ZNF695: variants seen among roughly 807,000 people sequenced by gnomAD.
ZNF695 encodes zinc finger protein SBZF3.
A neutral mutation model predicts 11.2 loss-of-function variants in ZNF695; 11 were observed. The observed-to-expected ratio is 0.98, with a 90% CI of 0.62 to 1.62. The LOEUF is 1.62. Among genes scored for constraint, ZNF695 ranks in the 40% most tolerant of loss-of-function variants. ZNF695 has a pLI of 0.00. For synonymous variants in ZNF695, 190 were observed against 201.4 expected (o/e 0.94, Z 0.48); for missense variants, 559 against 590.5 (o/e 0.95, Z 0.55).
Position 246,987,492 on chromosome 1 carries a change from T to C in ZNF695, c.1023A>G (p.Gln341=), listed in dbSNP as rs1572525506. The C allele has an allele frequency of 5.0e-6, 8 of 1,610,040 alleles. No individual in the cohort carries two copies. In the East Asian group the frequency reaches 1.8e-4, roughly 36 times the overall value. The change falls in exon 4 of 4, where the codon CAA becomes CAG. Residue 341 remains glutamine (Q), a synonymous_variant. Transcript: ENST00000339986. ...TCTCTCCAGTATGAATTCTTCTATG[T>C]TGAGTAAGGTATGACAACAATTTAA... ...KVFKLLSYLT[Q]HRRIHTGEKT... is the part of the protein sequence containing the mutation.
In ZNF695 at chr1:246,986,174, T is replaced by A; in HGVS notation, c.*793A>T. ...ATCCTCAACCTCCAGGCTCAAGCAA[T>A]CCTCCCACCTGAGCCTTCCAAGTAG... On this transcript the variant is annotated 3_prime_UTR_variant, in exon 4 of 4. Transcript: ENST00000339986. 1.8e-6 allele frequency: 1 copy of A among 541,758 alleles called. No individual in the cohort carries two copies. The highest frequency in any genetic ancestry group is 2.4e-6 in the Non-Finnish European group (1 of 424,814). 33.6% of individuals were successfully genotyped at this position (541,758 alleles called of 1,614,324 possible).
At position 246,987,168 on chromosome 1, in the gene ZNF695, T is replaced by C. The variant is rs765855028; in HGVS notation, c.1347A>G (p.Ser449=). ...GAATTCTCTTATGATTAGTAAGATA[T>C]GAAAACCAGTTAAAAGCTTTGCCAC... ...DECGKAFNWF[S]YLTNHKRIHT... is the part of the protein sequence containing the mutation. Residue 449 remains serine, a synonymous_variant, in exon 4 of 4, where the codon TCA becomes TCG. Coordinates refer to ENST00000339986, the MANE Select transcript of ZNF695 (RefSeq NM_020394.5). The C allele has an allele frequency of 8.7e-6, 14 of 1,613,972 alleles. No individual in the cohort carries two copies. In the South Asian group the frequency reaches 1.4e-4, roughly 16 times the overall value.
chr1:246,987,532 T>G lies in ZNF695; in HGVS notation c.983A>C (p.Glu328Ala), dbSNP rs1668890018. The change falls in exon 4 of 4, where the codon GAA becomes GCA. Residue 328 changes from glutamate to alanine, a missense_variant. Physicochemically the swap from Glu to Ala is moderately radical, Grantham distance 107. Transcript: ENST00000339986. ...CAACAATTTAAAGACTTTGCCACATTCTTCACACTTGTAGGGTTTCTCTCT... is the reference window on the plus strand; with the variant it reads ...CAACAATTTAAAGACTTTGCCACATGCTTCACACTTGTAGGGTTTCTCTCT... Reference protein sequence around the residue: ...HSREKPYKCEECGKVFKLLSY... With the variant: ...HSREKPYKCEACGKVFKLLSY... The G allele has an allele frequency of 6.2e-7, 1 of 1,604,488 alleles. No homozygotes were observed. Among genetic ancestry groups the G allele is most frequent in the African/African-American group, 1.3e-5 (1 of 74,658 alleles).
intron 3 of ZNF695, among the ~76,000 whole-genome samples, chr1:246,998,580 TA>T (rs1669272159): frequency 6.6e-6 from 1 of 152,246 alleles, no homozygotes; most frequent in African/African-American, 2.4e-5. Context: ...GGAGAAAATA[TA>T]CATCCGTTTG....
intron 4 of ZNF695, chr1:246,968,774 C>T (rs1668350830): frequency 6.6e-6 from 1 of 152,300 alleles, no homozygotes; most frequent in Admixed American, 6.5e-5. Flanking sequence ...ATCTGGAAGC[C>T]TCCAAGGCTT....
At position 246,961,464 on chromosome 1, in the gene ZNF695, A is replaced by G. The variant is rs560577174; in HGVS notation, c.488+6231T>C. Among the ~76,000 whole-genome samples the G allele has an allele frequency of 2.6e-5, 4 of 152,314 alleles. No homozygotes were observed. The South Asian group carries it at 8.3e-4, about 32-fold the overall frequency. On this transcript the variant is annotated intron_variant, in intron 5 of 5. Transcript: ENST00000487338. ...TGCTACTCCCTGCCACCTCCATTCC[A>G]TAAACTGCAGGGCCATTGTTCTATA... is the stretch of plus-strand genomic sequence containing the variant.
chr1:246,954,141 A>G (rs1365012979), intron 5 of ZNF695, among the ~76,000 whole-genome samples: 1 of 152,170 alleles, frequency 6.6e-6, no homozygotes, highest in Non-Finnish European at 1.5e-5. Flanking sequence ...ACATGAATGA[A>G]CGAATGACTT....
intron 5 of ZNF695, among the ~76,000 whole-genome samples, chr1:246,950,342 A>G (rs1303242723): frequency 6.6e-6 from 1 of 152,192 alleles, no homozygotes; most frequent in Non-Finnish European, 1.5e-5. Flanking sequence ...TTGATTATAT[A>G]TAATCCTTTA....
Position 246,992,044 on chromosome 1 carries a change from G to A in ZNF695, c.260-3789C>T, listed in dbSNP as rs183497502. On this transcript the variant is annotated intron_variant, in intron 3 of 3. Coordinates refer to ENST00000339986, the MANE Select transcript of ZNF695 (RefSeq NM_020394.5). The stretch of plus-strand genomic sequence containing the variant: ...CCGGGCGTGGTGGCGGGCACCTGCA[G>A]TCGCAGCTACTCGGGAGGCTGAGAC... Among the ~76,000 whole-genome samples the A allele has an allele frequency of 9.4e-4, 143 of 152,200 alleles. 1 individual carries two copies. The highest frequency in any genetic ancestry group is 3.3e-3 in the African/African-American group (139 of 41,528).
In ZNF695 at chr1:246,962,696, C is replaced by CT. The variant is rs1380105431; in HGVS notation, c.488+4998dup. ...CCCCTTCTGCCAGCTTGAAACCTTTCTTTTTTTTTTTTTTGAGACGGAGTC... is the reference window on the plus strand; with the variant it reads ...CCCCTTCTGCCAGCTTGAAACCTTTCTTTTTTTTTTTTTTTGAGACGGAGTC... On this transcript the variant is annotated intron_variant, in intron 5 of 5. Coordinates refer to the ZNF695 transcript ENST00000487338. 3.2e-3 allele frequency among the ~76,000 whole-genome samples: 454 copies of CT among 143,866 alleles called. 5 individuals carry two copies. The highest frequency in any genetic ancestry group is 6.6e-3 in the African/African-American group (262 of 39,492). 94.4% of individuals were successfully genotyped at this position (143,866 alleles called of 152,430 possible). A position where few individuals can be genotyped will look rare whatever the true frequency, so the allele number is the denominator to read the frequency against.
intron 5 of ZNF695, among the ~76,000 whole-genome samples, chr1:246,946,502 T>C (rs1227578748): frequency 6.6e-6 from 1 of 152,210 alleles, no homozygotes; most frequent in Admixed American, 6.5e-5. Context: ...TTGCACTCAT[T>C]TGTGAAGGTT....
Position 246,985,338 on chromosome 1 carries a change from A to G in ZNF695, c.*1629T>C. 1.0e-6 allele frequency: 1 copy of G among 984,254 alleles called. No individual in the cohort carries two copies. Among genetic ancestry groups the G allele is most frequent in the Non-Finnish European group, 1.2e-6 (1 of 828,844 alleles). The allele number at this position is 984,254 out of a possible 1,614,324, so 61.0% of individuals were successfully genotyped here. Reference sequence around the variant, plus strand: ...ATACACGGTCTTTGATTATAATCCTATATAGGCTTTATTATAGCCTTAATA... The same window carrying G: ...ATACACGGTCTTTGATTATAATCCTGTATAGGCTTTATTATAGCCTTAATA... On this transcript the variant is annotated 3_prime_UTR_variant, in exon 4 of 4. Transcript: ENST00000339986.
At chr1:246,995,813 CAAAAAAAAAA>C (rs60375785) in intron 3 of ZNF695, among the ~76,000 whole-genome samples, 6 of 66,762 alleles carry the variant, frequency 9.0e-5, no homozygotes, top group African/African-American at 3.0e-4. Context: ...GACTCTGTCT[CAAAAAAAAAA>C]AAAAAAAAAA....
At chr1:246,958,426 G>C (rs1010825183) in intron 5 of ZNF695, among the ~76,000 whole-genome samples, 7 of 152,080 alleles carry the variant, frequency 4.6e-5, no homozygotes, top group African/African-American at 1.7e-4. Flanking sequence ...GACTTTGAAG[G>C]CTAGGTCATA....
chr1:246,976,520 C>T (rs180743684), intron 4 of ZNF695, among the ~76,000 whole-genome samples: 237 of 152,124 alleles, frequency 1.6e-3, no homozygotes, highest in African/African-American at 2.7e-3. Flanking sequence ...ACTGGCCGGG[C>T]GCGGTGGCTC....
chr1:246,968,920 A>G (rs542879596), intron 4 of ZNF695: 8 of 152,258 alleles, frequency 5.3e-5, no homozygotes, highest in Non-Finnish European at 1.2e-4. Flanking sequence ...AGCCTGACCC[A>G]CAAAACTGTT....
In ZNF695 at chr1:246,999,412, G is replaced by A; in HGVS notation, c.195C>T (p.Ile65=). The A allele has an allele frequency of 6.2e-7, 1 of 1,613,958 alleles. No homozygotes were observed. Among genetic ancestry groups the A allele is most frequent in the Non-Finnish European group, 8.5e-7 (1 of 1,179,960 alleles). The change falls in exon 3 of 4, where the codon ATC becomes ATT. Residue 65 remains isoleucine (I), a synonymous_variant. Coordinates refer to ENST00000339986, the MANE Select transcript of ZNF695 (RefSeq NM_020394.5). ...GCTCTTTCCTTGCCTCCAGACAGAT[G>A]ATCAGTTCTGGCTTAGACATAGCAA... ...HSLAMSKPEL[I]ICLEARKEPW... is the part of the protein sequence containing the mutation.
intron 5 of ZNF695, among the ~76,000 whole-genome samples, chr1:246,949,121 G>C (rs1399074676): frequency 6.6e-6 from 1 of 152,110 alleles, no homozygotes; most frequent in Non-Finnish European, 1.5e-5. Flanking sequence ...CTCCAGAAAA[G>C]AATTAAAGAT....
At chr1:246,994,563 C>T (rs1031436430) in intron 3 of ZNF695, among the ~76,000 whole-genome samples, 19 of 151,556 alleles carry the variant, frequency 1.3e-4, no homozygotes, top group Non-Finnish European at 2.5e-4. Flanking sequence ...CAAAGCCGGG[C>T]GTGGTGGCTC....
Sources: gnomAD v4.1 joint callset for allele counts (sites outside exome capture counted in the v4.1 genomes callset) on GRCh38, gnomAD v4.1.1 for gene constraint, MANE v1.5 for transcripts, NCBI Gene and HGNC (gene_info 2026-07-23, HGNC 2026-07-21) for gene names.